The following MMP26 variants were observed in gnomAD, a reference collection of about 807,000 sequenced individuals.
MMP26 encodes matrix metallopeptidase 26, also known as matrix metalloproteinase-26.
A neutral mutation model predicts 31.0 loss-of-function variants in MMP26; 33 were observed. The observed-to-expected ratio is 1.06, with a 90% CI of 0.81 to 1.42. The LOEUF is 1.42. MMP26 is among the 40% of genes most tolerant of loss of function. The pLI is 0.00. For synonymous variants in MMP26, 122 were observed against 114.9 expected (o/e 1.06, Z -0.40); for missense variants, 347 against 316.1 (o/e 1.10, Z -0.74).
At chr11:4,801,504 T>TTTTA (rs141208345) in intron 2 of MMP26, among the ~76,000 whole-genome samples, 17 of 135,722 alleles carry the variant, frequency 1.3e-4, no homozygotes, top group South Asian at 2.6e-4. Flanking sequence ...GTCCCGGACT[T>TTTTA]TTTATTTATT....
rs1194074123 is a variant in MMP26 at position 4,986,932 on chromosome 11, CCT to C, written c.-144-1110_-144-1109del. On this transcript the variant is annotated intron_variant, in intron 2 of 7. Transcript: ENST00000380390. ...CTCTCTCTCTCTCTCTCTCTCTCTCCCTCTCTCTCTCTCTCTCTCTCTCTCTC... is the reference window on the plus strand; with the variant it reads ...CTCTCTCTCTCTCTCTCTCTCTCTCCCTCTCTCTCTCTCTCTCTCTCTCTC... 6.5e-4 allele frequency among the ~76,000 whole-genome samples: 39 copies of C among 60,434 alleles called. 1 individual carries two copies. The highest frequency in any genetic ancestry group is 2.8e-3 in the East Asian group (6 of 2,160). 39.6% of individuals were successfully genotyped at this position (60,434 alleles called of 152,430 possible). A position where few individuals can be genotyped will look rare whatever the true frequency, so the allele number is the denominator to read the frequency against.
intron 1 of MMP26, among the ~76,000 whole-genome samples, chr11:4,714,899 A>ATC (rs71466199): frequency 0.17 from 22,301 of 130,740 alleles, 2,021 homozygotes; most frequent in Non-Finnish European, 0.22. Flanking sequence ...AAAACCCCAA[A>ATC]TCTCTCTCTC....
intron 2 of MMP26, among the ~76,000 whole-genome samples, chr11:4,836,536 C>T (rs1376525144): frequency 2.0e-5 from 3 of 150,894 alleles, no homozygotes; most frequent in African/African-American, 4.9e-5. Context: ...AAATATCCAC[C>T]TTGATTAATA....
Position 4,821,272 on chromosome 11 carries a change from G to A in MMP26, c.-145+53931G>A. 5.9e-6 allele frequency: 5 copies of A among 844,508 alleles called. No individual in the cohort carries two copies. In the South Asian group the frequency reaches 6.6e-5, roughly 11 times the overall value. 52.3% of individuals were successfully genotyped at this position (844,508 alleles called of 1,614,324 possible). On this transcript the variant is annotated intron_variant, in intron 2 of 7. Coordinates refer to ENST00000380390, the MANE Select transcript of MMP26 (RefSeq NM_021801.5). ...ACTTGGAGAGAAATGTGTAGCTCTG[G>A]GAAGCTAAAAAGAAAATTCAAGTTC...
chr11:4,796,751 C>T (rs1163906374), intron 2 of MMP26, among the ~76,000 whole-genome samples: 6 of 152,068 alleles, frequency 3.9e-5, no homozygotes, highest in Admixed American at 3.9e-4. Context: ...GCTGGGACTC[C>T]TGGGAGATGC....
intron 2 of MMP26, chr11:4,908,142 C>G (rs551970244): frequency 6.2e-7 from 1 of 1,614,196 alleles, no homozygotes; most frequent in African/African-American, 1.3e-5. Context: ...ATCACCCTGG[C>G]TGCCATGCAT....
chr11:4,722,924 C>G (rs1026778962), intron 1 of MMP26: 9 of 784,826 alleles, frequency 1.1e-5, no homozygotes, highest in African/African-American at 3.4e-5. Context: ...GCTTAGACCA[C>G]CTGCATAGAC....
At chr11:4,790,763 C>T (rs1210364359) in intron 2 of MMP26, among the ~76,000 whole-genome samples, 1 of 152,158 alleles carries the variant, frequency 6.6e-6, no homozygotes, top group Non-Finnish European at 1.5e-5. Context: ...AATGGCTCTC[C>T]ATGAGTAGTG....
rs80136490 is a variant in MMP26, at chr11:4,822,169, G to C, written c.-145+54828G>C. On this transcript the variant is annotated intron_variant, in intron 2 of 7. Coordinates refer to ENST00000380390, the MANE Select transcript of MMP26 (RefSeq NM_021801.5). ...CACCTGCACATCCCACATCAGTGCT[G>C]TTTCCATCTTCTACCTCCCTCTCAT... 2.2e-5 allele frequency: 35 copies of C among 1,610,274 alleles called. No homozygotes were observed. The East Asian group carries it at 7.4e-4, about 34-fold the overall frequency.
intron 2 of MMP26, among the ~76,000 whole-genome samples, chr11:4,966,920 TATCTTTAGATGGTGG>T (rs1409236309): frequency 6.6e-6 from 1 of 152,200 alleles, no homozygotes; most frequent in Non-Finnish European, 1.5e-5. Context: ...GAGCTCAATG[TATCTTTAGATGGTGG>T]AGTGAGGATG....
chr11:4,709,639 C>G (rs890997827), intron 1 of MMP26: 7 of 457,132 alleles, frequency 1.5e-5, no homozygotes, highest in Non-Finnish European at 2.6e-5. Context: ...GGCCTTGAAA[C>G]CCGTCAGATC....
At chr11:4,866,983 G>T (rs1850244101) in intron 2 of MMP26, among the ~76,000 whole-genome samples, 1 of 152,026 alleles carries the variant, frequency 6.6e-6, no homozygotes, top group Non-Finnish European at 1.5e-5. Flanking sequence ...AAAAATCCCA[G>T]AAGAAAACCT....
chr11:4,717,612 T>G (rs1847952241), intron 1 of MMP26, among the ~76,000 whole-genome samples: 1 of 152,008 alleles, frequency 6.6e-6, no homozygotes, highest in African/African-American at 2.4e-5. Context: ...AAACAATGTG[T>G]GTACACTTTT....
intron 2 of MMP26, chr11:4,913,412 A>G (rs1434814226): frequency 6.6e-6 from 1 of 152,320 alleles, no homozygotes; most frequent in East Asian, 1.9e-4. Context: ...ATGCAGGAAC[A>G]TGACATTCTC....
At chr11:4,744,674 C>T (rs984206824) in intron 1 of MMP26, among the ~76,000 whole-genome samples, 1 of 152,128 alleles carries the variant, frequency 6.6e-6, no homozygotes, top group Non-Finnish European at 1.5e-5. Context: ...GCTTGTTTTG[C>T]CTTTGTGCTT....
chr11:4,745,778 C>T (rs1479702579), intron 1 of MMP26, among the ~76,000 whole-genome samples: 1 of 152,182 alleles, frequency 6.6e-6, no homozygotes, highest in African/African-American at 2.4e-5. Context: ...ATCTCCCTCC[C>T]CACTCCTGGA....
chr11:4,718,324 A>G (rs971208204), intron 1 of MMP26, among the ~76,000 whole-genome samples: 3 of 152,218 alleles, frequency 2.0e-5, no homozygotes, highest in Non-Finnish European at 4.4e-5. Flanking sequence ...ACTTGAAGTC[A>G]CTTATCAGAC....
chr11:4,739,160 C>T (rs1277240941), intron 1 of MMP26, among the ~76,000 whole-genome samples: 1 of 152,196 alleles, frequency 6.6e-6, no homozygotes, highest in Non-Finnish European at 1.5e-5. Context: ...ATATAAGACA[C>T]TTCCCTTTCT....
Position 4,989,881 on chromosome 11 carries a change from A to G in MMP26, c.320+13A>G, listed in dbSNP as rs1215684336. ...CTCTAACTTACAGGTGCTTGTTACT[A>G]AGGCCTAGAGGATAATGTGTGGGGT... is the stretch of plus-strand genomic sequence containing the variant. On this transcript the variant is annotated intron_variant, in intron 4 of 7. Coordinates refer to ENST00000380390, the MANE Select transcript of MMP26 (RefSeq NM_021801.5). 6.3e-7 allele frequency: 1 copy of G among 1,597,352 alleles called. No homozygotes were observed. Among genetic ancestry groups the G allele is most frequent in the Non-Finnish European group, 8.5e-7 (1 of 1,174,564 alleles).
Sources: gnomAD v4.1 joint callset for allele counts (sites outside exome capture counted in the v4.1 genomes callset) on GRCh38, gnomAD v4.1.1 for gene constraint, MANE v1.5 for transcripts, NCBI Gene and HGNC (gene_info 2026-07-23, HGNC 2026-07-21) for gene names.